The following DIS3L2 variants were observed in gnomAD, a reference collection of about 807,000 sequenced individuals.
DIS3L2 encodes DIS3-like exonuclease 2.
Under a neutral mutation model 97.5 loss-of-function variants are expected in DIS3L2, and 34 were observed. The ratio of observed to expected loss-of-function variants is 0.35; its 90% CI spans 0.27 to 0.46. DIS3L2 has a LOEUF of 0.46. DIS3L2 is among the 20% of genes least tolerant of loss of function. The pLI is 1.00. For synonymous variants in DIS3L2, 435 were observed against 445.2 expected (o/e 0.98, Z 0.29); for missense variants, 1,038 against 1,146.0 (o/e 0.91, Z 1.36).
chr2:232,231,672 A>G (rs1370462550), intron 10 of DIS3L2, among the ~76,000 whole-genome samples: 1 of 152,244 alleles, frequency 6.6e-6, no homozygotes, highest in Non-Finnish European at 1.5e-5. Context: ...CAGACCTGGT[A>G]TGGAGAGGGC....
intron 5 of DIS3L2, among the ~76,000 whole-genome samples, chr2:232,075,679 T>A (rs1357676503): frequency 1.3e-5 from 2 of 152,220 alleles, no homozygotes; most frequent in Non-Finnish European, 2.9e-5. Context: ...TTTGTTTCCT[T>A]ATATGTAACT....
intron 6 of DIS3L2, among the ~76,000 whole-genome samples, chr2:232,093,989 G>A (rs1282794762): frequency 6.6e-6 from 1 of 151,578 alleles, no homozygotes; most frequent in East Asian, 1.9e-4. Context: ...TTTTTTTGAT[G>A]TAAGCACTGC....
At chr2:232,271,451 G>C (rs1206863117) in intron 13 of DIS3L2, among the ~76,000 whole-genome samples, 2 of 152,180 alleles carry the variant, frequency 1.3e-5, no homozygotes, top group Admixed American at 6.5e-5. Context: ...CACTTCTCTT[G>C]AAAGTAGTAG....
At chr2:232,194,228 T>C (rs532243310) in intron 9 of DIS3L2, among the ~76,000 whole-genome samples, 11 of 152,246 alleles carry the variant, frequency 7.2e-5, no homozygotes, top group Non-Finnish European at 1.0e-4. Flanking sequence ...TATAGATATA[T>C]ATGCTGCTTC....
At position 232,343,151 on chromosome 2, in the gene DIS3L2, T is replaced by C. The variant is rs185721809; in HGVS notation, c.1582-194T>C. On this transcript the variant is annotated intron_variant, in intron 13 of 13. Coordinates refer to the DIS3L2 transcript ENST00000273009. Reference sequence around the variant, plus strand: ...CTGAAGGCCCCCTCAACCTGGCTCATCATCAAAGCAGACTGTTGACTAGCT... The same window carrying C: ...CTGAAGGCCCCCTCAACCTGGCTCACCATCAAAGCAGACTGTTGACTAGCT... 2.9e-4 allele frequency: 178 copies of C among 609,404 alleles called. No individual in the cohort carries two copies. In the African/African-American group the frequency reaches 3.2e-3, roughly 11 times the overall value. The allele number at this position is 609,404 out of a possible 1,614,324, so 37.7% of individuals were successfully genotyped here.
At chr2:232,187,899 G>T (rs1433883455) in intron 9 of DIS3L2, among the ~76,000 whole-genome samples, 1 of 152,154 alleles carries the variant, frequency 6.6e-6, no homozygotes, top group Non-Finnish European at 1.5e-5. Flanking sequence ...CACTTTGGAA[G>T]GCTGAGGCAG....
intron 6 of DIS3L2, among the ~76,000 whole-genome samples, chr2:232,089,941 T>G (rs1488070538): frequency 6.6e-6 from 1 of 152,060 alleles, no homozygotes; most frequent in Non-Finnish European, 1.5e-5. Context: ...TCCCCCACAC[T>G]CCTTTTGAGA....
Position 232,329,876 on chromosome 2 carries a change from C to A in DIS3L2, c.1803C>A (p.Phe601Leu). The A allele has an allele frequency of 6.2e-7, 1 of 1,610,688 alleles. No individual in the cohort carries two copies. Among genetic ancestry groups the A allele is most frequent in the Non-Finnish European group, 8.5e-7 (1 of 1,179,082 alleles). The change falls in exon 15 of 21, where the codon TTC (phenylalanine) becomes TTA (leucine). Residue 601 changes from phenylalanine (F) to leucine (L), a missense_variant. Transcript: ENST00000325385. ...MAVAHKIHRA[F>L]PEQALLRRHP... ...TGGCCCACAAGATCCACCGCGCCTT[C>A]CCCGAGCAGGCCCTGCTGCGCCGGC...
intron 6 of DIS3L2, among the ~76,000 whole-genome samples, chr2:232,089,063 T>G (rs927675114): frequency 2.6e-5 from 4 of 152,016 alleles, no homozygotes; most frequent in African/African-American, 7.3e-5. Context: ...TGAGCATATG[T>G]CCCCCCAGCG....
chr2:232,056,927 C>A (rs1695562940), intron 5 of DIS3L2, among the ~76,000 whole-genome samples: 1 of 152,082 alleles, frequency 6.6e-6, no homozygotes, highest in African/African-American at 2.4e-5. Flanking sequence ...ATATGCCCAA[C>A]AGTAATGGGT....
At chr2:232,203,862 G>C (rs1424355695) in intron 9 of DIS3L2, among the ~76,000 whole-genome samples, 1 of 152,170 alleles carries the variant, frequency 6.6e-6, no homozygotes, top group Non-Finnish European at 1.5e-5. Flanking sequence ...AGACATTGGA[G>C]ATTGGTAGAG....
Position 232,190,326 on chromosome 2 carries a change from C to A in DIS3L2, c.1125-20000C>A, listed in dbSNP as rs572234289. ...TCCAGCCTGGGCAACAGAGTGAGAC[C>A]CTGTCTCAAAATAGGAAAAGAGAAA... On this transcript the variant is annotated intron_variant, in intron 9 of 20. Transcript: ENST00000325385. Among the ~76,000 whole-genome samples the A allele has an allele frequency of 9.8e-4, 149 of 151,950 alleles. 1 individual carries two copies. Among genetic ancestry groups the A allele is most frequent in the African/African-American group, 3.2e-3 (134 of 41,428 alleles).
chr2:232,146,992 A>G (rs944722299), intron 8 of DIS3L2, among the ~76,000 whole-genome samples: 1 of 152,182 alleles, frequency 6.6e-6, no homozygotes, highest in Admixed American at 6.5e-5. Context: ...CATACTCTAC[A>G]TACATCTTCA....
intron 13 of DIS3L2, among the ~76,000 whole-genome samples, chr2:232,280,625 T>C (rs1245829954): frequency 6.6e-6 from 1 of 152,134 alleles, no homozygotes; most frequent in Admixed American, 6.5e-5. Context: ...TGGAGTGTAA[T>C]GTGGTGGGAA....
chr2:232,283,479 A>G (rs1022937654), intron 13 of DIS3L2, among the ~76,000 whole-genome samples: 10 of 151,744 alleles, frequency 6.6e-5, no homozygotes, highest in African/African-American at 1.5e-4. Context: ...CTGGTCTCCA[A>G]CTCCTGGGCT....
intron 20 of DIS3L2, 171 bp from the exon 21 acceptor site, chr2:232,336,298 G>T: frequency 6.5e-7 from 1 of 1,547,084 alleles, no homozygotes; most frequent in South Asian, 1.2e-5. Flanking sequence ...CCCCAACTCT[G>T]CCCTGACCCA....
At chr2:231,988,456 TA>T (rs1370804482) in intron 1 of DIS3L2, among the ~76,000 whole-genome samples, 5 of 152,258 alleles carry the variant, frequency 3.3e-5, no homozygotes, top group Non-Finnish European at 5.9e-5. Flanking sequence ...AAGCTTTCCC[TA>T]TCTATCTGTG....
At chr2:232,048,062 C>G (rs1695292056) in intron 5 of DIS3L2, among the ~76,000 whole-genome samples, 1 of 152,138 alleles carries the variant, frequency 6.6e-6, no homozygotes, top group African/African-American at 2.4e-5. Context: ...GTTTTCACTT[C>G]TTTTGAGTAT....
chr2:232,086,353 A>ATG (rs1696597252), intron 5 of DIS3L2, among the ~76,000 whole-genome samples: 1 of 103,154 alleles, frequency 9.7e-6, no homozygotes, highest in Non-Finnish European at 1.9e-5. Context: ...ATATATGTAT[A>ATG]TATATGTGTA....
Sources: allele counts gnomAD v4.1 joint callset (sites outside exome capture counted in the v4.1 genomes callset), GRCh38; gene constraint gnomAD v4.1.1; transcripts MANE v1.5; gene names NCBI Gene and HGNC (gene_info 2026-07-23, HGNC 2026-07-21).